The following AHI1 variants were observed in gnomAD, a reference collection of about 807,000 sequenced individuals.
The protein encoded by AHI1 is jouberin.
AHI1 carries 123 observed loss-of-function variants against 149.3 expected under a neutral mutation model. That is an observed-to-expected ratio of 0.82 (90% CI 0.71 to 0.96). The LOEUF (loss-of-function observed/expected upper bound fraction) is 0.96. AHI1 is among the 40% of genes least tolerant of loss of function. The pLI is 0.00. For synonymous variants in AHI1, 475 were observed against 459.8 expected (o/e 1.03, Z -0.42); for missense variants, 1,439 against 1,422.7 (o/e 1.01, Z -0.18).
intron 21 of AHI1, among the ~76,000 whole-genome samples, chr6:135,405,333 A>G (rs1780609813): frequency 6.6e-6 from 1 of 152,224 alleles, no homozygotes; most frequent in Admixed American, 6.5e-5. Context: ...ATCTCTATAA[A>G]TAATAATAGC....
intron 20 of AHI1, among the ~76,000 whole-genome samples, chr6:135,423,419 C>G (rs1384567882): frequency 2.0e-5 from 3 of 152,086 alleles, no homozygotes; most frequent in Non-Finnish European, 4.4e-5. Context: ...CAGTGAGCAA[C>G]TTAAATAACA....
intron 22 of AHI1, among the ~76,000 whole-genome samples, chr6:135,395,105 A>G (rs1433967618): frequency 6.6e-6 from 1 of 152,030 alleles, no homozygotes; most frequent in Non-Finnish European, 1.5e-5. Context: ...GAACATAGCT[A>G]TATGAAAATA....
rs117606320 is a variant in AHI1 at position 135,422,727 on chromosome 6, C to T, written c.2764+4440G>A. On this transcript the variant is annotated intron_variant, in intron 20 of 28. Transcript: ENST00000265602. ...CTGGTCTCAAACTCCTGGCCTCAAGCGATCCTCCTGCCTCAGCCTCCCAAA... is the reference window on the plus strand; with the variant it reads ...CTGGTCTCAAACTCCTGGCCTCAAGTGATCCTCCTGCCTCAGCCTCCCAAA... Among the ~76,000 whole-genome samples, 64 of 151,544 alleles carry T rather than the reference C, an allele frequency of 4.2e-4. No individual in the cohort carries two copies. The East Asian group carries it at 9.7e-3, about 23-fold the overall frequency.
chr6:135,379,394 T>G (rs1776372946), intron 23 of AHI1, among the ~76,000 whole-genome samples: 1 of 152,190 alleles, frequency 6.6e-6, no homozygotes, highest in South Asian at 2.1e-4. Context: ...ACCTCAATTA[T>G]TAAATCACCT....
At chr6:135,438,657 A>G (rs928361123) in intron 14 of AHI1, among the ~76,000 whole-genome samples, 159 bp from the exon 15 acceptor site, 2 of 152,134 alleles carry the variant, frequency 1.3e-5, no homozygotes, top group South Asian at 2.1e-4. Context: ...TTTACTTAAG[A>G]ATAGTTTTTC....
At chr6:135,406,954 G>T (rs570422263) in intron 21 of AHI1, among the ~76,000 whole-genome samples, 1 of 152,264 alleles carries the variant, frequency 6.6e-6, no homozygotes, top group African/African-American at 2.4e-5. Context: ...AACTTAGAAT[G>T]AGATTTACCA....
chr6:135,478,227 T>C (rs945151091), intron 5 of AHI1, among the ~76,000 whole-genome samples: 4 of 152,074 alleles, frequency 2.6e-5, no homozygotes, highest in African/African-American at 9.7e-5. Context: ...CAGGCAAAAG[T>C]TGGAACAGTT....
At chr6:135,366,179 G>T (rs1386776773) in intron 23 of AHI1, among the ~76,000 whole-genome samples, 1 of 151,624 alleles carries the variant, frequency 6.6e-6, no homozygotes, top group Admixed American at 6.6e-5. Flanking sequence ...ACTGGATTTG[G>T]TTAGCTAGTA....
At chr6:135,302,040 G>A in intron 26 of AHI1, 3 of 969,782 alleles carry the variant, frequency 3.1e-6, no homozygotes, top group Non-Finnish European at 3.7e-6. Flanking sequence ...TGCTCAGGCT[G>A]GAGTACAGTG....
intron 5 of AHI1, among the ~76,000 whole-genome samples, chr6:135,478,133 A>G (rs1456316586): frequency 6.6e-6 from 1 of 152,124 alleles, no homozygotes; most frequent in East Asian, 1.9e-4. Flanking sequence ...GTGAGAACGG[A>G]CTAATATGAA....
intron 24 of AHI1, among the ~76,000 whole-genome samples, chr6:135,348,574 G>T (rs1266633573): frequency 6.6e-6 from 1 of 151,966 alleles, no homozygotes; most frequent in Non-Finnish European, 1.5e-5. Flanking sequence ...AACTTAAATT[G>T]CCTGCAGGAA....
Position 135,358,206 on chromosome 6 carries a change from G to A in AHI1, c.3110-19C>T, listed in dbSNP as rs781396992. Reference sequence around the variant, plus strand: ...ATAATCCCTGTGGAAAGAAAACATTGTGAGTATTTGGTTATTAAGCCTGTC... The same window carrying A: ...ATAATCCCTGTGGAAAGAAAACATTATGAGTATTTGGTTATTAAGCCTGTC... On this transcript the variant is annotated intron_variant, in intron 23 of 28. Transcript: ENST00000265602. 4.4e-6 allele frequency: 7 copies of A among 1,581,396 alleles called. No homozygotes were observed. The African/African-American group carries it at 5.5e-5, about 12-fold the overall frequency.
intron 26 of AHI1, among the ~76,000 whole-genome samples, chr6:135,305,592 T>C (rs940143916): frequency 6.6e-6 from 1 of 152,214 alleles, no homozygotes; most frequent in African/African-American, 2.4e-5. Context: ...CCTAGCTCCT[T>C]ATTATTTTTG....
chr6:135,478,302 C>A (rs1793045970), intron 5 of AHI1, among the ~76,000 whole-genome samples: 1 of 152,100 alleles, frequency 6.6e-6, no homozygotes, highest in African/African-American at 2.4e-5. Flanking sequence ...TGGTTATGAC[C>A]AAAATGCAGA....
intron 26 of AHI1, chr6:135,302,403 G>A: frequency 1.0e-6 from 1 of 989,182 alleles, no homozygotes; most frequent in Non-Finnish European, 1.2e-6. Context: ...CCTGAAAAAT[G>A]AATAATATGT....
intron 5 of AHI1, among the ~76,000 whole-genome samples, chr6:135,480,935 T>A (rs552217293): frequency 6.6e-6 from 1 of 152,200 alleles, no homozygotes; most frequent in Non-Finnish European, 1.5e-5. Flanking sequence ...ATCTAACTAA[T>A]ACCTGATGAT....
intron 20 of AHI1, among the ~76,000 whole-genome samples, chr6:135,419,812 A>G (rs958176005): frequency 1.3e-5 from 2 of 152,088 alleles, no homozygotes; most frequent in African/African-American, 4.8e-5. Context: ...TTCACAAAAG[A>G]TTTCTCTGTA....
intron 24 of AHI1, among the ~76,000 whole-genome samples, chr6:135,331,108 T>C (rs1268424667): frequency 6.6e-6 from 1 of 152,234 alleles, no homozygotes; most frequent in East Asian, 1.9e-4. Context: ...TTTTATAACA[T>C]ACCATTTCTT....
chr6:135,373,774 A>C (rs1477013631), intron 23 of AHI1, among the ~76,000 whole-genome samples: 1 of 152,196 alleles, frequency 6.6e-6, no homozygotes, highest in Non-Finnish European at 1.5e-5. Context: ...TGAAGACAGA[A>C]CATATGTCCA....
Sources: allele counts gnomAD v4.1 joint callset (sites outside exome capture counted in the v4.1 genomes callset), GRCh38; gene constraint gnomAD v4.1.1; transcripts MANE v1.5; gene names NCBI Gene and HGNC (gene_info 2026-07-23, HGNC 2026-07-21).